CDKL1: variants seen among roughly 807,000 people sequenced by gnomAD.
The protein encoded by CDKL1 is cyclin dependent kinase like 1.
Under a neutral mutation model 42.0 loss-of-function variants are expected in CDKL1, and 41 were observed. The observed-to-expected ratio is 0.98, with a 90% CI of 0.76 to 1.27. The LOEUF is 1.27. Among genes scored for constraint, CDKL1 ranks in the 50% most tolerant of loss-of-function variants. The probability of loss-of-function intolerance (pLI) is 0.00; values close to 1 mark genes in which losing one functional copy is unlikely to be tolerated. For synonymous variants in CDKL1, 153 were observed against 158.6 expected (o/e 0.96, Z 0.26); for missense variants, 394 against 428.4 (o/e 0.92, Z 0.71).
chr14:50,339,525 AGAGG>A (rs1403496813), intron 6 of CDKL1, among the ~76,000 whole-genome samples: 1 of 89,706 alleles, frequency 1.1e-5, no homozygotes, highest in Non-Finnish European at 2.1e-5. Context: ...AGGGAGGAAG[AGAGG>A]GAGGGAGGGA....
chr14:50,362,621 G>A (rs1400531823), intron 2 of CDKL1, among the ~76,000 whole-genome samples: 4 of 152,070 alleles, frequency 2.6e-5, no homozygotes, highest in African/African-American at 4.8e-5. Flanking sequence ...TGCACCAATC[G>A]ACACTCTGTA....
intron 6 of CDKL1, among the ~76,000 whole-genome samples, chr14:50,339,470 A>G (rs761953741): frequency 4.0e-5 from 6 of 150,460 alleles, no homozygotes; most frequent in Non-Finnish European, 8.9e-5. Flanking sequence ...ACAGTGTCTA[A>G]CATAGAGCAA....
chr14:50,375,729 G>A (rs1478118079), intron 2 of CDKL1, among the ~76,000 whole-genome samples: 4 of 152,026 alleles, frequency 2.6e-5, no homozygotes, highest in South Asian at 4.2e-4. Context: ...CCCGGGAGGC[G>A]GAGGTTGTAG....
rs577834109 is a variant in CDKL1 at position 50,341,269 on chromosome 14, G to A, written c.455-37C>T. The A allele has an allele frequency of 3.5e-5, 54 of 1,548,116 alleles. 1 individual carries two copies. In the Middle Eastern group the frequency reaches 7.0e-4, roughly 20 times the overall value. ...TGGAACATGGAAAACAAACAGCAGC[G>A]GAAGGCTGGAATCAAAACTGAGGGG... On this transcript the variant is annotated intron_variant, in intron 5 of 9. Transcript: ENST00000395834.
intron 3 of CDKL1, among the ~76,000 whole-genome samples, chr14:50,358,694 C>T (rs576695541): frequency 2.3e-3 from 297 of 127,344 alleles, no homozygotes; most frequent in Non-Finnish European, 3.8e-3. Context: ...GGCTGGAGTG[C>T]AATGGTGCAA....
At chr14:50,384,686 T>C (rs1041298222) in intron 2 of CDKL1, among the ~76,000 whole-genome samples, 6 of 151,656 alleles carry the variant, frequency 4.0e-5, no homozygotes, top group Admixed American at 6.6e-5. Flanking sequence ...ATCTTTCTTT[T>C]TTTTTTTTTT....
At chr14:50,376,486 G>A in intron 2 of CDKL1, 1 of 450,738 alleles carries the variant, frequency 2.2e-6, no homozygotes, top group South Asian at 1.7e-5. Context: ...TGAATACATT[G>A]TGCTATATTC....
At chr14:50,346,848 C>T (rs2033744863) in intron 3 of CDKL1, among the ~76,000 whole-genome samples, 1 of 151,852 alleles carries the variant, frequency 6.6e-6, no homozygotes, top group Non-Finnish European at 1.5e-5. Context: ...AGAGTTTCAC[C>T]ATGTTGACCA....
At chr14:50,377,581 T>C in intron 2 of CDKL1, 3 of 1,349,620 alleles carry the variant, frequency 2.2e-6, no homozygotes, top group Non-Finnish European at 3.0e-6. Flanking sequence ...AATGGAATTC[T>C]GGAACTGGAT....
At chr14:50,334,160 AT>A (rs201938162) in intron 8 of CDKL1, 5,629 of 147,926 alleles carry the variant, frequency 0.038, 281 homozygotes, top group African/African-American at 0.12. Context: ...TCCAAGGAGA[AT>A]TTTTTTTTTT....
At chr14:50,364,801 G>C (rs1183414141) in intron 2 of CDKL1, among the ~76,000 whole-genome samples, 2 of 152,092 alleles carry the variant, frequency 1.3e-5, no homozygotes, top group Non-Finnish European at 2.9e-5. Context: ...TTTTTATTTA[G>C]AATGATTTTT....
intron 2 of CDKL1, chr14:50,390,340 A>G (rs2035219289): frequency 1.5e-6 from 2 of 1,366,074 alleles, no homozygotes; most frequent in Admixed American, 1.9e-5. Context: ...TTGACCTCCA[A>G]CTCCGCTAGG....
At chr14:50,380,469 A>T (rs2034872519) in intron 2 of CDKL1, among the ~76,000 whole-genome samples, 1 of 152,238 alleles carries the variant, frequency 6.6e-6, no homozygotes, top group South Asian at 2.1e-4. Context: ...TTCCAATACC[A>T]ATCAGTAAGT....
rs10598932 is a variant in CDKL1, at chr14:50,341,456, TGGGGG to T, written c.455-229_455-225del. ...TAAAACAGAATCCCTGGGGAGGGTC[TGGGGG>T]GGGGGGGGGGGTTATTTGGCTTAGA... On this transcript the variant is annotated intron_variant, in intron 5 of 9. Coordinates refer to ENST00000395834, the MANE Select transcript of CDKL1 (RefSeq NM_004196.7). 1.2e-3 allele frequency among the ~76,000 whole-genome samples: 88 copies of T among 71,696 alleles called. 2 individuals carry two copies. The highest frequency in any genetic ancestry group is 2.6e-3 in the African/African-American group (69 of 27,018). The allele number at this position is 71,696 out of a possible 152,430, so 47.0% of individuals were successfully genotyped here. A position where few individuals can be genotyped will look rare whatever the true frequency, so the allele number is the denominator to read the frequency against.
chr14:50,336,122 A>C (rs7148292), intron 7 of CDKL1: 5 of 1,364,852 alleles, frequency 3.7e-6, no homozygotes, highest in South Asian at 1.1e-5. Flanking sequence ...GATGAGGCCA[A>C]CTGGTTGCCT....
intron 2 of CDKL1, among the ~76,000 whole-genome samples, chr14:50,366,357 C>T (rs1391935081): frequency 6.6e-6 from 1 of 152,198 alleles, no homozygotes; most frequent in Non-Finnish European, 1.5e-5. Flanking sequence ...CAGGCAGTGA[C>T]TGGCCCTGAG....
chr14:50,362,350 TG>T, intron 2 of CDKL1: 1 of 311,208 alleles, frequency 3.2e-6, no homozygotes, highest in Non-Finnish European at 6.4e-6. Context: ...TGAGGCCAGC[TG>T]GGCTCCTGAG....
intron 3 of CDKL1, among the ~76,000 whole-genome samples, chr14:50,346,466 ATT>A (rs111551329): frequency 6.9e-6 from 1 of 145,738 alleles, no homozygotes. Flanking sequence ...TCCACTTTTA[ATT>A]TTTTTTTTTT....
At chr14:50,352,914 A>C (rs2033946036) in intron 3 of CDKL1, among the ~76,000 whole-genome samples, 1 of 152,252 alleles carries the variant, frequency 6.6e-6, no homozygotes, top group African/African-American at 2.4e-5. Flanking sequence ...ACAATTTCAT[A>C]AAGAAAGTCA....
Sources: gnomAD v4.1 joint callset for allele counts (sites outside exome capture counted in the v4.1 genomes callset) on GRCh38, gnomAD v4.1.1 for gene constraint, MANE v1.5 for transcripts, NCBI Gene and HGNC (gene_info 2026-07-23, HGNC 2026-07-21) for gene names.